The following NGF variants were observed in gnomAD, a reference collection of about 807,000 sequenced individuals.
NGF encodes the protein nerve growth factor.
A neutral mutation model predicts 12.8 loss-of-function variants in NGF; 4 were observed. The observed-to-expected ratio is 0.31, with a 90% CI of 0.15 to 0.72. The LOEUF (loss-of-function observed/expected upper bound fraction) is 0.72. Among genes scored for constraint, NGF ranks in the 30% least tolerant of loss-of-function variants. NGF has a pLI of 0.69. For synonymous variants in NGF, 140 were observed against 130.0 expected, an observed-to-expected ratio of 1.08 and a Z score of -0.52; for missense variants, 283 against 330.8, an observed-to-expected ratio of 0.86 and a Z score of 1.12.
chr1:115,333,460 G>C (rs1049076530), intron 1 of NGF, among the ~76,000 whole-genome samples: 1 of 138,472 alleles, frequency 7.2e-6, no homozygotes, highest in African/African-American at 2.9e-5. Context: ...TGGATTTTCA[G>C]GGAAATCCTG....
At chr1:115,289,167 T>G (rs1653607740) in intron 2 of NGF, among the ~76,000 whole-genome samples, 1 of 152,216 alleles carries the variant, frequency 6.6e-6, no homozygotes. Flanking sequence ...CTTAGCGGAC[T>G]GAATATTCAG....
chr1:115,298,457 G>A (rs940039031), intron 1 of NGF, among the ~76,000 whole-genome samples: 1 of 152,094 alleles, frequency 6.6e-6, no homozygotes, highest in African/African-American at 2.4e-5. Flanking sequence ...CAGCCAGGAA[G>A]ATCATAGCAA....
chr1:115,287,897 A>T (rs746242459), intron 2 of NGF, among the ~76,000 whole-genome samples: 56 of 152,332 alleles, frequency 3.7e-4, no homozygotes, highest in Non-Finnish European at 6.3e-4. Context: ...CTGCTCCTGG[A>T]GGGCCTCTCA....
Position 115,317,012 on chromosome 1 carries a change from A to T in NGF, c.-137+21192T>A, listed in dbSNP as rs142109567. On this transcript the variant is annotated intron_variant, in intron 1 of 2. Coordinates refer to ENST00000369512, the MANE Select transcript of NGF (RefSeq NM_002506.3). ...AATTGTCCATGGTATTCAAATTTTC[A>T]TATTACTTTAGCGATCTAGAAGTGC... Among the ~76,000 whole-genome samples, 13 of 152,172 alleles carry T rather than the reference A, an allele frequency of 8.5e-5. No homozygotes were observed. The East Asian group carries it at 2.3e-3, about 27-fold the overall frequency.
intron 1 of NGF, among the ~76,000 whole-genome samples, chr1:115,310,307 T>A (rs184227828): frequency 6.6e-6 from 1 of 152,260 alleles, no homozygotes; most frequent in South Asian, 2.1e-4. Flanking sequence ...TCCAAATGGC[T>A]GGTAATGTTG....
chr1:115,328,445 G>A (rs1373148704), intron 1 of NGF, among the ~76,000 whole-genome samples: 1 of 152,094 alleles, frequency 6.6e-6, no homozygotes, highest in African/African-American at 2.4e-5. Flanking sequence ...TTAGGATCAG[G>A]GTTTACCTGA....
At position 115,286,255 on chromosome 1, in the gene NGF, C is replaced by T; in HGVS notation, c.541G>A (p.Asp181Asn). 2 of 1,614,140 alleles carry T rather than the reference C, an allele frequency of 1.2e-6. No homozygotes were observed. Among genetic ancestry groups the T allele is most frequent in the South Asian group, 2.2e-5 (2 of 91,072 alleles). The change falls in exon 3 of 3, where the codon GAC becomes AAC. Residue 181 changes from aspartate (D) to asparagine (N), a missense_variant. This residue lies in a region of NGF where 132 missense variants were observed against 189.2 expected (regional missense o/e 0.70). Transcript: ENST00000369512. ...KQYFFETKCR[D>N]PNPVDSGCRG... The stretch of plus-strand genomic sequence containing the variant: ...CACCCGCTGTCAACGGGATTTGGGT[C>T]CCGGCACTTGGTCTCAAAAAAGTAC...
At chr1:115,337,348 T>C (rs1259474095) in intron 1 of NGF, among the ~76,000 whole-genome samples, 2 of 144,608 alleles carry the variant, frequency 1.4e-5, no homozygotes, top group Non-Finnish European at 3.0e-5. Context: ...TGCTTGTTTC[T>C]GCTGGCTCAA....
chr1:115,333,657 CTTTCTTTCTTTCTTT>C (rs1654991230), intron 1 of NGF, among the ~76,000 whole-genome samples: 1 of 10,292 alleles, frequency 9.7e-5, no homozygotes, highest in Non-Finnish European at 1.9e-4. Context: ...CTTTCTTTCT[CTTTCTTTCTTTCTTT>C]CTTTCTTTCT....
Position 115,337,267 on chromosome 1 carries a change from G to GTTTTTT in NGF, c.-137+931_-137+936dup, listed in dbSNP as rs67307707. On this transcript the variant is annotated intron_variant, in intron 1 of 2. Coordinates refer to ENST00000369512, the MANE Select transcript of NGF (RefSeq NM_002506.3). ...TCGAAATTTTTTTTGTTTTGTTTTT[G>GTTTTTT]TTTTTTTTTTTTTTTTTTTTTTTTT... 5.5e-3 allele frequency among the ~76,000 whole-genome samples: 445 copies of GTTTTTT among 80,906 alleles called. 14 individuals carry two copies. Among genetic ancestry groups the GTTTTTT allele is most frequent in the Non-Finnish European group, 8.9e-3 (379 of 42,576 alleles). The allele number at this position is 80,906 out of a possible 152,430, so 53.1% of individuals were successfully genotyped here. A position where few individuals can be genotyped will look rare whatever the true frequency, so the allele number is the denominator to read the frequency against.
At chr1:115,289,243 T>C (rs770688415) in intron 2 of NGF, among the ~76,000 whole-genome samples, 1 of 152,222 alleles carries the variant, frequency 6.6e-6, no homozygotes, top group Non-Finnish European at 1.5e-5. Flanking sequence ...TTCTTCTCGG[T>C]ACATAATATC....
chr1:115,333,686 TTTCTTTCTTTC>T (rs1360679832), intron 1 of NGF, among the ~76,000 whole-genome samples: 8 of 60,202 alleles, frequency 1.3e-4, no homozygotes, highest in African/African-American at 2.9e-4. Flanking sequence ...TCTTTCTTTC[TTTCTTTCTTTC>T]TTTCTTTCTT....
At chr1:115,319,153 T>C (rs1342512350) in intron 1 of NGF, among the ~76,000 whole-genome samples, 1 of 152,206 alleles carries the variant, frequency 6.6e-6, no homozygotes, top group Non-Finnish European at 1.5e-5. Context: ...AGTCACTCAC[T>C]CCCTTCTGGA....
chr1:115,313,223 T>C (rs932949706), intron 1 of NGF, among the ~76,000 whole-genome samples: 4 of 152,236 alleles, frequency 2.6e-5, no homozygotes, highest in Non-Finnish European at 5.9e-5. Flanking sequence ...GCACCTCTGG[T>C]TTAGAGAGTA....
At chr1:115,292,359 C>T (rs2101025034) in intron 2 of NGF, among the ~76,000 whole-genome samples, 1 of 152,284 alleles carries the variant, frequency 6.6e-6, no homozygotes, top group Middle Eastern at 3.4e-3. Context: ...GCATCAGAAT[C>T]ACCTGGAGAG....
At chr1:115,303,370 A>G (rs1456929395) in intron 1 of NGF, among the ~76,000 whole-genome samples, 1 of 152,088 alleles carries the variant, frequency 6.6e-6, no homozygotes, top group Non-Finnish European at 1.5e-5. Context: ...ATTATCTTCA[A>G]CAACCACCAC....
intron 1 of NGF, among the ~76,000 whole-genome samples, chr1:115,309,388 CT>C (rs1174585860): frequency 6.6e-6 from 1 of 152,130 alleles, no homozygotes; most frequent in Non-Finnish European, 1.5e-5. Context: ...TTATACCGTT[CT>C]ATATTTTATA....
intron 1 of NGF, among the ~76,000 whole-genome samples, chr1:115,304,509 C>T (rs1005496111): frequency 2.0e-5 from 3 of 151,644 alleles, no homozygotes; most frequent in African/African-American, 4.8e-5. Context: ...TATGTACCTT[C>T]GTCCTCCAAA....
chr1:115,314,022 G>A (rs547677328), intron 1 of NGF, among the ~76,000 whole-genome samples: 49 of 152,134 alleles, frequency 3.2e-4, no homozygotes, highest in Non-Finnish European at 5.9e-4. Flanking sequence ...TCAGGATGCG[G>A]GTCCTGAGGG....
Sources: gnomAD v4.1 joint callset for allele counts (sites outside exome capture counted in the v4.1 genomes callset) on GRCh38, gnomAD v4.1.1 for gene constraint, gnomAD v4.1.1 regional missense constraint, MANE v1.5 for transcripts, NCBI Gene and HGNC (gene_info 2026-07-23, HGNC 2026-07-21) for gene names.